The following KCNMB2 variants were observed in gnomAD, a reference collection of about 807,000 sequenced individuals.
KCNMB2 encodes potassium calcium-activated channel subfamily M regulatory beta subunit 2, also known as calcium-activated potassium channel subunit beta-2.
In KCNMB2, 9 loss-of-function variants were observed where a neutral mutation model predicts 24.5. The ratio of observed to expected loss-of-function variants is 0.37; its 90% confidence interval spans 0.22 to 0.64. The LOEUF (loss-of-function observed/expected upper bound fraction) is 0.64, where lower values mean the gene tolerates loss of function less well. Among genes scored for constraint, KCNMB2 ranks in the 30% least tolerant of loss-of-function variants. KCNMB2 has a pLI of 0.63. For missense variants in KCNMB2, 226 were observed against 284.3 expected (o/e 0.79, Z 1.47); for synonymous variants, 109 against 104.4 (o/e 1.04, Z -0.27).
chr3:178,763,520 A>G (rs1300326691), intron 1 of KCNMB2, among the ~76,000 whole-genome samples: 1 of 152,198 alleles, frequency 6.6e-6, no homozygotes, highest in Admixed American at 6.5e-5. Context: ...GAGATTCAGT[A>G]AGCTCAAAAA....
chr3:178,800,799 G>T (rs1334170269), intron 1 of KCNMB2, among the ~76,000 whole-genome samples: 3 of 151,512 alleles, frequency 2.0e-5, no homozygotes, highest in African/African-American at 7.2e-5. Context: ...CAGATGAATA[G>T]ATAAAGAAAA....
chr3:178,580,407 A>G (rs1044001390), intron 1 of KCNMB2, among the ~76,000 whole-genome samples: 3 of 152,210 alleles, frequency 2.0e-5, no homozygotes, highest in Non-Finnish European at 4.4e-5. Context: ...CCCACAGCCA[A>G]TATCATACTG....
At chr3:178,547,982 C>T (rs1450549844) in intron 1 of KCNMB2, among the ~76,000 whole-genome samples, 1 of 152,254 alleles carries the variant, frequency 6.6e-6, no homozygotes, top group African/African-American at 2.4e-5. Flanking sequence ...TTTGAATCCT[C>T]TTCCAACGAT....
At chr3:178,720,145 A>G (rs902202098) in intron 1 of KCNMB2, among the ~76,000 whole-genome samples, 1 of 151,850 alleles carries the variant, frequency 6.6e-6, no homozygotes. Flanking sequence ...CCCACCCCAC[A>G]ACAGGCCCCA....
At chr3:178,775,726 C>G (rs1712553073) in intron 1 of KCNMB2, among the ~76,000 whole-genome samples, 1 of 152,106 alleles carries the variant, frequency 6.6e-6, no homozygotes, top group Non-Finnish European at 1.5e-5. Context: ...TTACAAATGA[C>G]AAGCAATAAA....
chr3:178,597,931 G>C (rs112197772), intron 1 of KCNMB2, among the ~76,000 whole-genome samples: 10 of 151,872 alleles, frequency 6.6e-5, no homozygotes, highest in African/African-American at 2.4e-4. Context: ...AAATTGGGGT[G>C]GGAGGAAGAA....
chr3:178,702,042 T>C (rs1263925074), intron 1 of KCNMB2, among the ~76,000 whole-genome samples: 1 of 151,958 alleles, frequency 6.6e-6, no homozygotes, highest in Non-Finnish European at 1.5e-5. Flanking sequence ...AAAATGTCCA[T>C]CAATGATAGA....
chr3:178,602,304 CA>C (rs139895508), intron 1 of KCNMB2, among the ~76,000 whole-genome samples: 2 of 151,818 alleles, frequency 1.3e-5, no homozygotes, highest in African/African-American at 4.8e-5. Context: ...CCCCTCCCCA[CA>C]AAAAAATATA....
intron 1 of KCNMB2, among the ~76,000 whole-genome samples, chr3:178,614,310 T>C (rs1718623259): frequency 8.3e-6 from 1 of 119,972 alleles, no homozygotes; most frequent in African/African-American, 3.0e-5. Context: ...TGTATATATA[T>C]GTATGTGTAT....
intron 1 of KCNMB2, among the ~76,000 whole-genome samples, chr3:178,654,150 T>C (rs1000239747): frequency 6.6e-6 from 1 of 152,148 alleles, no homozygotes; most frequent in African/African-American, 2.4e-5. Flanking sequence ...TGATTATTCT[T>C]ATTATATTAT....
At position 178,828,161 on chromosome 3, in the gene KCNMB2, C is replaced by T. The variant is rs536282066; in HGVS notation, c.228-17C>T. ...TAGCTCTTGGGCCTGTGTTTACTCT[C>T]ACCCCTTTCTCTGCAGCGTGTGGAC... On this transcript the variant is annotated splice_polypyrimidine_tract_variant and intron_variant, in intron 3 of 4. Coordinates refer to ENST00000452583, the MANE Select transcript of KCNMB2 (RefSeq NM_181361.3). 54 of 1,601,414 alleles carry T rather than the reference C, an allele frequency of 3.4e-5. No homozygotes were observed. In the African/African-American group the frequency reaches 6.0e-4, roughly 18 times the overall value.
intron 1 of KCNMB2, among the ~76,000 whole-genome samples, chr3:178,597,029 G>T (rs1717903263): frequency 6.6e-6 from 1 of 152,118 alleles, no homozygotes; most frequent in African/African-American, 2.4e-5. Flanking sequence ...TCACAGGTGT[G>T]CCTGCTGCTC....
rs1461658647 is a variant in KCNMB2, at chr3:178,757,997, AT to A, written c.-67-49345del. Among the ~76,000 whole-genome samples, 8 of 1,920 alleles carry A rather than the reference AT, an allele frequency of 4.2e-3. 2 individuals carry two copies. The highest frequency in any genetic ancestry group is 6.6e-3 in the African/African-American group (7 of 1,064). 1.3% of individuals were successfully genotyped at this position (1,920 alleles called of 152,430 possible). On this transcript the variant is annotated intron_variant, in intron 1 of 4. Coordinates refer to ENST00000452583, the MANE Select transcript of KCNMB2 (RefSeq NM_181361.3). ...TAGACACAAGAGGATATATATATAT[AT>A]CTAGATATATATATATATATATCTA...
At chr3:178,821,944 T>C (rs1034944467) in intron 2 of KCNMB2, among the ~76,000 whole-genome samples, 5 of 152,130 alleles carry the variant, frequency 3.3e-5, no homozygotes, top group Non-Finnish European at 7.4e-5. Context: ...AATCCCCCCA[T>C]TCCTCTCTCT....
intron 1 of KCNMB2, among the ~76,000 whole-genome samples, chr3:178,613,576 C>T (rs1183545359): frequency 1.3e-5 from 2 of 152,104 alleles, no homozygotes; most frequent in African/African-American, 4.8e-5. Flanking sequence ...ATTTCTCCTT[C>T]ATGATGAAGG....
intron 1 of KCNMB2, among the ~76,000 whole-genome samples, chr3:178,773,096 G>A (rs1712440482): frequency 6.6e-6 from 1 of 152,088 alleles, no homozygotes; most frequent in Non-Finnish European, 1.5e-5. Context: ...TGGCATGGAC[G>A]AGGGCATTCT....
intron 1 of KCNMB2, among the ~76,000 whole-genome samples, chr3:178,779,750 A>G (rs190346095): frequency 1.2e-4 from 19 of 152,250 alleles, no homozygotes; most frequent in Admixed American, 1.0e-3. Context: ...CTAAATCATA[A>G]TTGATATTGT....
chr3:178,823,551 A>G (rs1714716837), intron 2 of KCNMB2, among the ~76,000 whole-genome samples: 1 of 152,236 alleles, frequency 6.6e-6, no homozygotes, highest in African/African-American at 2.4e-5. Context: ...AATTTTGCAC[A>G]ACCAATACTT....
intron 1 of KCNMB2, among the ~76,000 whole-genome samples, chr3:178,666,100 G>A (rs536902809): frequency 1.1e-4 from 17 of 152,264 alleles, no homozygotes; most frequent in Admixed American, 4.6e-4. Context: ...GACCAGGGAA[G>A]TAGGTGTAAA....
Sources: allele counts gnomAD v4.1 joint callset (sites outside exome capture counted in the v4.1 genomes callset), GRCh38; gene constraint gnomAD v4.1.1; transcripts MANE v1.5; gene names NCBI Gene and HGNC (gene_info 2026-07-23, HGNC 2026-07-21).